MLLT3: variants seen among roughly 807,000 people sequenced by gnomAD.
MLLT3 encodes the protein protein AF-9.
MLLT3 carries 4 observed loss-of-function variants against 53.2 expected under a neutral mutation model. That is an observed-to-expected ratio of 0.08 (90% CI 0.04 to 0.17). The LOEUF is 0.17. Ranked by LOEUF, MLLT3 falls within the 10% of genes least tolerant of loss-of-function variation. MLLT3 has a pLI of 1.00. For synonymous variants in MLLT3, 283 were observed against 230.6 expected, an observed-to-expected ratio of 1.23 and a Z score of -2.06; for missense variants, 569 against 684.0, an observed-to-expected ratio of 0.83 and a Z score of 1.87.
At chr9:20,473,012 C>CT (rs1381567046) in intron 2 of MLLT3, among the ~76,000 whole-genome samples, 1 of 151,982 alleles carries the variant, frequency 6.6e-6, no homozygotes, top group Non-Finnish European at 1.5e-5. Flanking sequence ...ACCTGAAAGA[C>CT]TTTTTAGAAA....
At chr9:20,401,487 A>C (rs2118745935) in intron 5 of MLLT3, among the ~76,000 whole-genome samples, 1 of 152,312 alleles carries the variant, frequency 6.6e-6, no homozygotes, top group South Asian at 2.1e-4. Context: ...AGACAGGATC[A>C]GCATGGCAGC....
chr9:20,465,100 G>A lies in MLLT3; in HGVS notation c.194-8314C>T, dbSNP rs578093892. Reference sequence around the variant, plus strand: ...CTAAACACAATGAATGTGGACTAAGGAATACCAAAGCATAAAAAAGCAGCA... The same window carrying A: ...CTAAACACAATGAATGTGGACTAAGAAATACCAAAGCATAAAAAAGCAGCA... On this transcript the variant is annotated intron_variant, in intron 2 of 10. Transcript: ENST00000380338. Among the ~76,000 whole-genome samples the A allele has an allele frequency of 2.0e-5, 3 of 151,958 alleles. No homozygotes were observed. The South Asian group carries it at 6.2e-4, about 32-fold the overall frequency.
chr9:20,495,971 C>T (rs1440947772), intron 2 of MLLT3, among the ~76,000 whole-genome samples: 3 of 152,126 alleles, frequency 2.0e-5, no homozygotes, highest in Admixed American at 1.3e-4. Flanking sequence ...AAATAACAGG[C>T]TCCTGGAAAT....
Position 20,346,323 on chromosome 9 carries a change from T to C in MLLT3, c.*120A>G, listed in dbSNP as rs1430915918. ...TTGTTTGATTTTTATTTTTTCCCTT[T>C]TGGTTGCATCATTTTGAGTGTTTTC... On this transcript the variant is annotated 3_prime_UTR_variant, in exon 11 of 11. Coordinates refer to ENST00000380338, the MANE Select transcript of MLLT3 (RefSeq NM_004529.4). 9.8e-7 allele frequency: 1 copy of C among 1,018,272 alleles called. No homozygotes were observed. The highest frequency in any genetic ancestry group is 2.7e-5 in the East Asian group (1 of 37,600). 63.1% of individuals were successfully genotyped at this position (1,018,272 alleles called of 1,614,324 possible).
intron 2 of MLLT3, among the ~76,000 whole-genome samples, chr9:20,486,999 T>C (rs1451942498): frequency 2.6e-5 from 4 of 152,154 alleles, no homozygotes; most frequent in Admixed American, 2.6e-4. Context: ...TAGGAATGCA[T>C]TTGTGATTAT....
chr9:20,599,904 T>G (rs1217773468), intron 2 of MLLT3, among the ~76,000 whole-genome samples: 2 of 152,148 alleles, frequency 1.3e-5, no homozygotes, highest in Non-Finnish European at 2.9e-5. Flanking sequence ...AAACCTTCAG[T>G]AACTATAAAT....
At chr9:20,398,456 T>C (rs1231590092) in intron 5 of MLLT3, among the ~76,000 whole-genome samples, 2 of 152,164 alleles carry the variant, frequency 1.3e-5, no homozygotes, top group Non-Finnish European at 2.9e-5. Context: ...AGCTTATTAA[T>C]TTAAAGCTAT....
intron 3 of MLLT3, among the ~76,000 whole-genome samples, chr9:20,456,013 A>C (rs1033833922): frequency 6.9e-6 from 1 of 145,750 alleles, no homozygotes; most frequent in African/African-American, 2.6e-5. Context: ...ATCTCGGCTC[A>C]CTGCCATCTC....
At chr9:20,382,651 C>T (rs952808567) in intron 5 of MLLT3, among the ~76,000 whole-genome samples, 2 of 151,950 alleles carry the variant, frequency 1.3e-5, no homozygotes, top group African/African-American at 4.8e-5. Flanking sequence ...CTAGCTTCTC[C>T]CATCTGATAC....
At chr9:20,413,502 T>G (rs1258932064) in intron 5 of MLLT3, among the ~76,000 whole-genome samples, 1 of 152,234 alleles carries the variant, frequency 6.6e-6, no homozygotes, top group Non-Finnish European at 1.5e-5. Flanking sequence ...TATCTTTCCT[T>G]TAACAACTTA....
intron 2 of MLLT3, among the ~76,000 whole-genome samples, chr9:20,615,992 C>T (rs1173091500): frequency 6.6e-6 from 1 of 151,772 alleles, no homozygotes; most frequent in Admixed American, 6.6e-5. Flanking sequence ...TAGGTTACTA[C>T]CTTTAGACAA....
chr9:20,394,977 T>C (rs1460341335), intron 5 of MLLT3, among the ~76,000 whole-genome samples: 1 of 151,984 alleles, frequency 6.6e-6, no homozygotes, highest in Non-Finnish European at 1.5e-5. Flanking sequence ...GAAGAGCAGG[T>C]GAAAGAAAGG....
intron 4 of MLLT3, among the ~76,000 whole-genome samples, chr9:20,433,059 A>C (rs1488864055): frequency 6.6e-6 from 1 of 151,852 alleles, no homozygotes; most frequent in African/African-American, 2.4e-5. Flanking sequence ...TTGCCCCCTT[A>C]ACAATTCAGT....
intron 5 of MLLT3, among the ~76,000 whole-genome samples, chr9:20,404,723 C>G (rs1158833073): frequency 6.6e-6 from 1 of 152,154 alleles, no homozygotes; most frequent in Admixed American, 6.5e-5. Context: ...CCAGGCCGGT[C>G]TTGAACTCCT....
intron 4 of MLLT3, among the ~76,000 whole-genome samples, chr9:20,429,206 A>T (rs969076706): frequency 6.6e-6 from 1 of 152,080 alleles, no homozygotes; most frequent in South Asian, 2.1e-4. Flanking sequence ...CACTGCTAAA[A>T]AAGATTTAAA....
intron 2 of MLLT3, among the ~76,000 whole-genome samples, chr9:20,543,619 G>A (rs1818701740): frequency 6.6e-6 from 1 of 151,876 alleles, no homozygotes; most frequent in Admixed American, 6.6e-5. Flanking sequence ...TCCAACCTGG[G>A]CAGAAGAATG....
intron 2 of MLLT3, among the ~76,000 whole-genome samples, chr9:20,577,927 A>T (rs536045362): frequency 6.6e-6 from 1 of 152,308 alleles, no homozygotes; most frequent in East Asian, 1.9e-4. Context: ...CATTCCTAGA[A>T]ATTTAACCTA....
chr9:20,565,782 A>C (rs1051146985), intron 2 of MLLT3, among the ~76,000 whole-genome samples: 1 of 150,812 alleles, frequency 6.6e-6, no homozygotes, highest in Non-Finnish European at 1.5e-5. Context: ...AGACTAGATA[A>C]GCTAGTCACT....
At chr9:20,443,474 C>T (rs917859838) in intron 4 of MLLT3, among the ~76,000 whole-genome samples, 1 of 152,030 alleles carries the variant, frequency 6.6e-6, no homozygotes, top group Non-Finnish European at 1.5e-5. Flanking sequence ...AATAATATTC[C>T]GAGCCCTTTA....
Sources: gnomAD v4.1 joint callset for allele counts (sites outside exome capture counted in the v4.1 genomes callset) on GRCh38, gnomAD v4.1.1 for gene constraint, MANE v1.5 for transcripts, NCBI Gene and HGNC (gene_info 2026-07-23, HGNC 2026-07-21) for gene names.